Variants in CREB5 observed in about 807,000 individuals in gnomAD.
CREB5 encodes the protein cAMP responsive element binding protein 5.
A neutral mutation model predicts 57.1 loss-of-function variants in CREB5; 19 were observed. The ratio of observed to expected loss-of-function variants is 0.33; its 90% CI spans 0.23 to 0.49. The LOEUF (loss-of-function observed/expected upper bound fraction) is 0.49, where lower values mean the gene tolerates loss of function less well. Ranked by LOEUF, CREB5 falls within the 20% of genes least tolerant of loss-of-function variation. The pLI is 0.99. For synonymous variants in CREB5, 238 were observed against 238.3 expected, an observed-to-expected ratio of 1.00 and a Z score of 0.01; for missense variants, 579 against 671.6, an observed-to-expected ratio of 0.86 and a Z score of 1.52.
chr7:28,402,389 G>C lies in CREB5; in HGVS notation c.-24-92517G>C, dbSNP rs924446754. Among the ~76,000 whole-genome samples the C allele has an allele frequency of 3.3e-5, 5 of 152,156 alleles. No individual in the cohort carries two copies. In the East Asian group the frequency reaches 9.7e-4, roughly 29 times the overall value. On this transcript the variant is annotated intron_variant, in intron 1 of 9. Coordinates refer to the CREB5 transcript ENST00000396299. The stretch of plus-strand genomic sequence containing the variant: ...GACAATCTTAAGCCAAAGGAACAAA[G>C]CTGGAGGCATCACGCTACCTGACTT...
intron 4 of CREB5, among the ~76,000 whole-genome samples, chr7:28,556,113 G>C (rs915997842): frequency 6.6e-6 from 1 of 152,170 alleles, no homozygotes; most frequent in Non-Finnish European, 1.5e-5. Flanking sequence ...GTCTTAGGTA[G>C]AGAAATGCAG....
chr7:28,522,400 T>G (rs942772887), intron 4 of CREB5, among the ~76,000 whole-genome samples: 4 of 148,882 alleles, frequency 2.7e-5, no homozygotes, highest in African/African-American at 5.0e-5. Context: ...GTTTTTTTTT[T>G]TTTTTTTTTT....
At chr7:28,566,174 T>G (rs1795468706) in intron 4 of CREB5, among the ~76,000 whole-genome samples, 1 of 152,200 alleles carries the variant, frequency 6.6e-6, no homozygotes, top group African/African-American at 2.4e-5. Flanking sequence ...CTTCTCTAGA[T>G]CCGGATGTTT....
At chr7:28,627,818 A>G (rs1026404540) in intron 5 of CREB5, among the ~76,000 whole-genome samples, 1 of 152,150 alleles carries the variant, frequency 6.6e-6, no homozygotes, top group Non-Finnish European at 1.5e-5. Context: ...AATTATTTTC[A>G]TGACAGTGGC....
At chr7:28,494,201 T>C (rs1241662737) in intron 2 of CREB5, among the ~76,000 whole-genome samples, 3 of 152,210 alleles carry the variant, frequency 2.0e-5, no homozygotes, top group Admixed American at 1.3e-4. Flanking sequence ...AGGTCTAAAT[T>C]CACTTTCATG....
At chr7:28,548,238 G>A (rs541682372) in intron 4 of CREB5, among the ~76,000 whole-genome samples, 22 of 152,168 alleles carry the variant, frequency 1.4e-4, no homozygotes, top group Admixed American at 6.5e-4. Flanking sequence ...TTTAATACGT[G>A]CAGCTCCATC....
chr7:28,658,953 G>GTGTGTGTATATATATATATA (rs1400561698), intron 5 of CREB5, among the ~76,000 whole-genome samples: 1 of 99,600 alleles, frequency 1.0e-5, no homozygotes, highest in African/African-American at 3.3e-5. Context: ...GTGTGTGTGT[G>GTGTGTGTATATATATATATA]TATATATATA....
At chr7:28,760,137 CA>C (rs1434348302) in intron 7 of CREB5, among the ~76,000 whole-genome samples, 7 of 152,320 alleles carry the variant, frequency 4.6e-5, no homozygotes, top group African/African-American at 1.7e-4. Context: ...TCTCTATCAA[CA>C]GTTTTCTGGC....
chr7:28,413,358 C>T (rs1181972973), intron 1 of CREB5, among the ~76,000 whole-genome samples: 1 of 151,940 alleles, frequency 6.6e-6, no homozygotes. Context: ...GATGTGTATG[C>T]CCCTGAAGGA....
chr7:28,707,379 G>A (rs1802170103), intron 5 of CREB5, among the ~76,000 whole-genome samples: 1 of 152,190 alleles, frequency 6.6e-6, no homozygotes, highest in Non-Finnish European at 1.5e-5. Context: ...CAGCCACGTA[G>A]TTTTTGCCAA....
Position 28,819,178 on chromosome 7 carries a change from C to A in CREB5, c.1426C>A (p.His476Asn). Residue 476 changes from histidine to asparagine, a missense_variant, in exon 11 of 11, where the codon CAT (histidine) becomes AAT (asparagine). By Grantham distance (68) the His-to-Asn change is moderately conservative (BLOSUM62 1). Around this residue, in one of 3 missense-constraint regions of CREB5, gnomAD observed 114 missense variants for 130.8 expected, o/e 0.87. Coordinates refer to ENST00000357727, the MANE Select transcript of CREB5 (RefSeq NM_182898.4). ...TTGCTCCCAGCAACAAGTCATCCAG[C>A]ATAATACCATCACTACTTCCTCATC... ...PACSQQQVIQ[H>N]NTITTSSSVS... 1 of 1,613,922 alleles carries A rather than the reference C, an allele frequency of 6.2e-7. No homozygotes were observed. The highest frequency in any genetic ancestry group is 8.5e-7 in the Non-Finnish European group (1 of 1,179,900).
intron 4 of CREB5, among the ~76,000 whole-genome samples, chr7:28,564,204 C>A (rs895199958): frequency 5.3e-5 from 8 of 152,190 alleles, no homozygotes; most frequent in Non-Finnish European, 7.3e-5. Flanking sequence ...TCTAAGATTG[C>A]ACAACTCGTA....
At chr7:28,543,349 T>C (rs1383998623) in intron 4 of CREB5, among the ~76,000 whole-genome samples, 1 of 152,232 alleles carries the variant, frequency 6.6e-6, no homozygotes, top group African/African-American at 2.4e-5. Flanking sequence ...CTAAAACTTA[T>C]AGCATTCCAC....
At chr7:28,664,148 T>C (rs997337816) in intron 5 of CREB5, among the ~76,000 whole-genome samples, 10 of 152,184 alleles carry the variant, frequency 6.6e-5, no homozygotes, top group Non-Finnish European at 1.2e-4. Context: ...TCCAGGACTT[T>C]TCTGCTCACT....
At chr7:28,300,063 TTTATTTATTTA>T (rs1466054696) in intron 1 of CREB5, among the ~76,000 whole-genome samples, 1 of 41,228 alleles carries the variant, frequency 2.4e-5, no homozygotes, top group Admixed American at 3.4e-4. Flanking sequence ...TATTTATTTA[TTTATTTATTTA>T]TTTATTTATT....
In CREB5 at chr7:28,689,202, C is replaced by G. The variant is rs61176030; in HGVS notation, c.465-29551C>G. Among the ~76,000 whole-genome samples the G allele has an allele frequency of 4.9e-3, 752 of 152,178 alleles. 26 individuals carry two copies. The South Asian group carries it at 0.08, about 16-fold the overall frequency. Reference sequence around the variant, plus strand: ...AAGAAATAATATGGAGAGGGCCGAGCGCAGTGGCTCACGCCTGTAATCCCA... The same window carrying G: ...AAGAAATAATATGGAGAGGGCCGAGGGCAGTGGCTCACGCCTGTAATCCCA... On this transcript the variant is annotated intron_variant, in intron 5 of 10. Coordinates refer to ENST00000357727, the MANE Select transcript of CREB5 (RefSeq NM_182898.4).
intron 5 of CREB5, among the ~76,000 whole-genome samples, chr7:28,702,119 T>C (rs1801892033): frequency 6.6e-6 from 1 of 152,274 alleles, no homozygotes; most frequent in Non-Finnish European, 1.5e-5. Context: ...TTTTCAGTTT[T>C]CTTCCTTATA....
intron 1 of CREB5, among the ~76,000 whole-genome samples, chr7:28,340,253 C>G (rs371211362): frequency 6.6e-6 from 1 of 152,308 alleles, no homozygotes; most frequent in South Asian, 2.1e-4. Context: ...TGGGTCACAC[C>G]TAAAGCCAGC....
chr7:28,519,980 A>G (rs1374844888), intron 4 of CREB5, among the ~76,000 whole-genome samples: 1 of 152,258 alleles, frequency 6.6e-6, no homozygotes, highest in East Asian at 1.9e-4. Flanking sequence ...CTCATAAAGA[A>G]GGACATGTGT....
Sources: allele counts gnomAD v4.1 joint callset (sites outside exome capture counted in the v4.1 genomes callset), GRCh38; gene constraint gnomAD v4.1.1; regional missense constraint gnomAD v4.1.1; transcripts MANE v1.5; gene names NCBI Gene and HGNC (gene_info 2026-07-23, HGNC 2026-07-21).